The following RNLS variants were observed in gnomAD, a reference collection of about 807,000 sequenced individuals.
The protein encoded by RNLS is renalase, FAD dependent amine oxidase, also known as renalase.
In RNLS, 39 loss-of-function variants were observed where a neutral mutation model predicts 39.8. That is an observed-to-expected ratio of 0.98 (90% confidence interval 0.76 to 1.28). RNLS has a LOEUF of 1.28. RNLS is among the 50% of genes most tolerant of loss of function. The pLI, the probability that RNLS is intolerant of heterozygous loss-of-function variation, is 0.00. For synonymous variants in RNLS, 147 were observed against 150.7 expected (o/e 0.98, Z 0.18); for missense variants, 410 against 413.3 (o/e 0.99, Z 0.07).
At chr10:88,387,920 T>C (rs577337746) in intron 4 of RNLS, among the ~76,000 whole-genome samples, 12 of 152,234 alleles carry the variant, frequency 7.9e-5, no homozygotes, top group African/African-American at 2.9e-4. Flanking sequence ...CTTGAAAACA[T>C]AGATATAGGA....
chr10:88,230,046 C>T, the RNLS span, among the ~76,000 whole-genome samples: 3 of 152,072 alleles, frequency 2.0e-5, no homozygotes, highest in Admixed American at 6.5e-5. Context: ...CAAATGGAGC[C>T]ACCTGCATGA....
intron 5 of RNLS, among the ~76,000 whole-genome samples, chr10:88,325,162 A>G (rs1846501665): frequency 6.6e-6 from 1 of 152,216 alleles, no homozygotes; most frequent in African/African-American, 2.4e-5. Context: ...GTAGATACTC[A>G]GAAGTGGAAT....
At chr10:88,544,013 G>A (rs1006970166) in intron 4 of RNLS, among the ~76,000 whole-genome samples, 2 of 152,144 alleles carry the variant, frequency 1.3e-5, no homozygotes, top group Non-Finnish European at 2.9e-5. Flanking sequence ...GGCCTAGGAA[G>A]GAACCCTCGC....
chr10:88,378,980 T>G (rs1589690838), intron 4 of RNLS, among the ~76,000 whole-genome samples: 1 of 152,152 alleles, frequency 6.6e-6, no homozygotes, highest in Non-Finnish European at 1.5e-5. Flanking sequence ...CACTATAAAG[T>G]ATTATGTACT....
intron 4 of RNLS, among the ~76,000 whole-genome samples, chr10:88,566,996 G>A (rs1849537288): frequency 6.6e-6 from 1 of 151,718 alleles, no homozygotes; most frequent in Non-Finnish European, 1.5e-5. Context: ...AGGTTTAGAG[G>A]AAAAAGCATA....
In RNLS at chr10:88,470,671, T is replaced by C. The variant is rs934135582; in HGVS notation, c.526+102232A>G. ...CGCTCTGTTGCCCAGGCTGGAGTGC[T>C]GTGGCACAATCTTGGCTCACTGCAA... On this transcript the variant is annotated intron_variant, in intron 4 of 6. Coordinates refer to ENST00000331772, the MANE Select transcript of RNLS (RefSeq NM_001031709.3). Among the ~76,000 whole-genome samples the C allele has an allele frequency of 3.3e-5, 5 of 150,642 alleles. No homozygotes were observed. In the East Asian group the frequency reaches 9.8e-4, roughly 29 times the overall value.
chr10:88,215,455 A>G, the RNLS span, among the ~76,000 whole-genome samples: 2 of 152,176 alleles, frequency 1.3e-5, no homozygotes, highest in African/African-American at 4.8e-5. Context: ...TCTAACTGAC[A>G]GATTTAGTCT....
At chr10:88,374,747 T>G (rs1052223357) in intron 4 of RNLS, among the ~76,000 whole-genome samples, 4 of 152,148 alleles carry the variant, frequency 2.6e-5, no homozygotes, top group South Asian at 2.1e-4. Flanking sequence ...TAGCATACAA[T>G]TATTGAGTTA....
At chr10:88,470,974 G>A (rs559111618) in intron 4 of RNLS, among the ~76,000 whole-genome samples, 1 of 152,212 alleles carries the variant, frequency 6.6e-6, no homozygotes, top group African/African-American at 2.4e-5. Flanking sequence ...CCAGCGTATA[G>A]AGTTCTACCA....
chr10:88,517,251 A>C (rs1846456071), intron 4 of RNLS, among the ~76,000 whole-genome samples: 1 of 151,982 alleles, frequency 6.6e-6, no homozygotes, highest in African/African-American at 2.4e-5. Flanking sequence ...TTTTTATTAC[A>C]AACAGACTTT....
intron 4 of RNLS, 73 bp downstream of exon 4, chr10:88,572,830 G>C: frequency 6.6e-7 from 1 of 1,525,468 alleles, no homozygotes; most frequent in Admixed American, 1.8e-5. Context: ...TGCGAAGAGA[G>C]TTAAACCAAA....
At chr10:88,285,646 A>G in intron 6 of RNLS, 140 bp from the exon 7 acceptor site, 1 of 694,386 alleles carries the variant, frequency 1.4e-6, no homozygotes, top group Non-Finnish European at 2.4e-6. Flanking sequence ...AAAAAAATGC[A>G]CACACAAGAA....
chr10:88,513,825 G>C (rs912449349), intron 4 of RNLS, among the ~76,000 whole-genome samples: 1 of 152,078 alleles, frequency 6.6e-6, no homozygotes, highest in Non-Finnish European at 1.5e-5. Flanking sequence ...ATGTAGGTGA[G>C]TGCCTGTTTT....
intron 5 of RNLS, among the ~76,000 whole-genome samples, chr10:88,343,089 G>A (rs1835599864): frequency 6.6e-6 from 1 of 152,100 alleles, no homozygotes; most frequent in Admixed American, 6.6e-5. Context: ...TGTTAAGGAT[G>A]TGAGATTTAA....
intron 4 of RNLS, among the ~76,000 whole-genome samples, chr10:88,418,808 T>C (rs2133745481): frequency 6.6e-6 from 1 of 152,330 alleles, no homozygotes; most frequent in South Asian, 2.1e-4. Context: ...TTTAAGTTCC[T>C]GGGATAAAGA....
At chr10:88,269,419 T>TC (rs1842588559), downstream of RNLS, among the ~76,000 whole-genome samples, 1 of 152,196 alleles carries the variant, frequency 6.6e-6, no homozygotes, top group Non-Finnish European at 1.5e-5. Flanking sequence ...TCATGTTTTT[T>TC]CACTGCTTGC....
At chr10:88,345,720 A>G (rs888690135) in intron 5 of RNLS, among the ~76,000 whole-genome samples, 1 of 152,158 alleles carries the variant, frequency 6.6e-6, no homozygotes, top group African/African-American at 2.4e-5. Flanking sequence ...GGGAGCCATT[A>G]TAGTTACAGT....
chr10:88,579,120 C>G (rs1257207361), intron 3 of RNLS, among the ~76,000 whole-genome samples: 3 of 152,088 alleles, frequency 2.0e-5, no homozygotes, highest in Admixed American at 1.3e-4. Flanking sequence ...CATTTTTATG[C>G]TTAGATTCAA....
intron 4 of RNLS, among the ~76,000 whole-genome samples, chr10:88,566,133 A>G (rs371663615): frequency 6.6e-6 from 1 of 152,078 alleles, no homozygotes; most frequent in Non-Finnish European, 1.5e-5. Context: ...AATGAAAATC[A>G]TATCTGAGCA....
Sources: allele counts gnomAD v4.1 joint callset (sites outside exome capture counted in the v4.1 genomes callset), GRCh38; gene constraint gnomAD v4.1.1; transcripts MANE v1.5; gene names NCBI Gene and HGNC (gene_info 2026-07-23, HGNC 2026-07-21).